The following CNTNAP2 variants were observed in gnomAD, a reference collection of about 807,000 sequenced individuals.
The protein encoded by CNTNAP2 is contactin associated protein 2, also known as contactin-associated protein-like 2.
Under a neutral mutation model 155.2 loss-of-function variants are expected in CNTNAP2, and 98 were observed. That is an observed-to-expected ratio of 0.63 (90% CI 0.54 to 0.75). The LOEUF (loss-of-function observed/expected upper bound fraction) is 0.75, where lower values mean the gene tolerates loss of function less well. CNTNAP2 is among the 30% of genes least tolerant of loss of function. The pLI, the probability that CNTNAP2 is intolerant of heterozygous loss-of-function variation, is 0.00. For synonymous variants in CNTNAP2, 651 were observed against 631.2 expected, an observed-to-expected ratio of 1.03 and a Z score of -0.47; for missense variants, 1,727 against 1,688.1, an observed-to-expected ratio of 1.02 and a Z score of -0.40.
At chr7:148,082,568 A>T (rs1020587047) in intron 15 of CNTNAP2, among the ~76,000 whole-genome samples, 7 of 152,234 alleles carry the variant, frequency 4.6e-5, no homozygotes, top group Admixed American at 3.9e-4. Context: ...TCATTGTGGT[A>T]TGAAAGTCAA....
intron 15 of CNTNAP2, among the ~76,000 whole-genome samples, chr7:148,086,351 C>T (rs1372798197): frequency 2.0e-5 from 3 of 152,104 alleles, no homozygotes; most frequent in Non-Finnish European, 4.4e-5. Flanking sequence ...CTATAGGTTA[C>T]TTATCTACTC....
chr7:146,674,554 G>A (rs1800363857), intron 1 of CNTNAP2, among the ~76,000 whole-genome samples: 1 of 152,048 alleles, frequency 6.6e-6, no homozygotes, highest in African/African-American at 2.4e-5. Context: ...TTCAGTGGCT[G>A]AGGCCTGTGA....
intron 12 of CNTNAP2, among the ~76,000 whole-genome samples, chr7:147,596,205 C>G (rs1464253981): frequency 6.6e-6 from 1 of 152,154 alleles, no homozygotes; most frequent in Non-Finnish European, 1.5e-5. Flanking sequence ...AACTGGCAGT[C>G]ATCATACACA....
rs148024329 is a variant in CNTNAP2, at chr7:147,805,865, G to A, written c.2099-97700G>A. ...AGAATCAAATCAAAATGGATTGAGG[G>A]CTTCAATGTAAGACCTGAAACTATG... is the stretch of plus-strand genomic sequence containing the variant. On this transcript the variant is annotated intron_variant, in intron 13 of 23. Coordinates refer to ENST00000361727, the MANE Select transcript of CNTNAP2 (RefSeq NM_014141.6). Among the ~76,000 whole-genome samples, 353 of 152,264 alleles carry A rather than the reference G, an allele frequency of 2.3e-3. 2 individuals are homozygous for A. Among genetic ancestry groups the A allele is most frequent in the African/African-American group, 7.2e-3 (300 of 41,552 alleles).
At chr7:147,528,920 A>T (rs1456323852) in intron 11 of CNTNAP2, among the ~76,000 whole-genome samples, 1 of 152,244 alleles carries the variant, frequency 6.6e-6, no homozygotes, top group African/African-American at 2.4e-5. Context: ...CATATACAGT[A>T]CAGTAGCCAC....
chr7:147,378,278 C>A (rs1431599086), intron 9 of CNTNAP2, among the ~76,000 whole-genome samples: 2 of 151,644 alleles, frequency 1.3e-5, no homozygotes, highest in East Asian at 1.9e-4. Flanking sequence ...AGGTTTTTTT[C>A]TTTAAAAAAA....
chr7:147,634,781 C>G (rs909784896), intron 12 of CNTNAP2, among the ~76,000 whole-genome samples: 14 of 152,108 alleles, frequency 9.2e-5, no homozygotes, highest in African/African-American at 3.4e-4. Context: ...CTTTTCTGCT[C>G]AAAATCCTCC....
intron 8 of CNTNAP2, among the ~76,000 whole-genome samples, chr7:147,149,936 G>C (rs1169689575): frequency 1.3e-5 from 2 of 152,208 alleles, no homozygotes; most frequent in Non-Finnish European, 2.9e-5. Flanking sequence ...GGTCTATGCA[G>C]AGTGTGAAAG....
chr7:148,023,542 C>A (rs538538961), intron 15 of CNTNAP2, among the ~76,000 whole-genome samples: 20 of 152,204 alleles, frequency 1.3e-4, no homozygotes, highest in African/African-American at 4.6e-4. Flanking sequence ...CTGTAGGTGA[C>A]AATGCACCCA....
intron 12 of CNTNAP2, among the ~76,000 whole-genome samples, chr7:147,626,340 TG>T (rs113070214): frequency 5.1e-4 from 78 of 151,604 alleles, no homozygotes; most frequent in Non-Finnish European, 8.8e-5. Context: ...GCCAATTGCA[TG>T]GGGGGGTGGG....
intron 3 of CNTNAP2, among the ~76,000 whole-genome samples, chr7:146,841,683 G>C (rs953365964): frequency 2.0e-5 from 3 of 152,024 alleles, no homozygotes; most frequent in Admixed American, 2.0e-4. Context: ...TCACATTTTT[G>C]TATTTGTAAA....
At chr7:146,861,064 G>T (rs992902051) in intron 3 of CNTNAP2, among the ~76,000 whole-genome samples, 3 of 151,674 alleles carry the variant, frequency 2.0e-5, no homozygotes, top group African/African-American at 7.3e-5. Context: ...TTGTTTGTTT[G>T]GTTTTTTGTT....
intron 4 of CNTNAP2, among the ~76,000 whole-genome samples, chr7:147,053,877 A>T (rs1194088156): frequency 6.6e-6 from 1 of 152,172 alleles, no homozygotes; most frequent in African/African-American, 2.4e-5. Flanking sequence ...TTTGATTACT[A>T]CAAAGAGGAG....
At chr7:146,716,610 T>C (rs2129176269) in intron 1 of CNTNAP2, among the ~76,000 whole-genome samples, 1 of 152,298 alleles carries the variant, frequency 6.6e-6, no homozygotes, top group African/African-American at 2.4e-5. Context: ...GGTTAACATT[T>C]TAGGAGTCTA....
At chr7:146,539,537 G>GA (rs5888211) in intron 1 of CNTNAP2, among the ~76,000 whole-genome samples, 2,475 of 148,900 alleles carry the variant, frequency 0.017, 49 homozygotes, top group African/African-American at 0.052. Context: ...GTAGAAACAT[G>GA]AAAAAAAAAA....
At chr7:146,610,152 T>C (rs1799110538) in intron 1 of CNTNAP2, among the ~76,000 whole-genome samples, 3 of 152,320 alleles carry the variant, frequency 2.0e-5, no homozygotes, top group African/African-American at 7.2e-5. Context: ...ATAATAATCA[T>C]CATTTTCAGG....
chr7:147,690,861 T>G (rs1243128538), intron 13 of CNTNAP2, among the ~76,000 whole-genome samples: 1 of 152,176 alleles, frequency 6.6e-6, no homozygotes, highest in Non-Finnish European at 1.5e-5. Context: ...AAAATTATAT[T>G]GTATTTGCAA....
intron 21 of CNTNAP2, among the ~76,000 whole-genome samples, chr7:148,271,261 A>G (rs1796774903): frequency 6.6e-6 from 1 of 152,240 alleles, no homozygotes; most frequent in Admixed American, 6.5e-5. Flanking sequence ...TTCTTCTTAA[A>G]GTGGGGTTTC....
At chr7:146,198,537 G>A (rs949953) in intron 1 of CNTNAP2, among the ~76,000 whole-genome samples, 46,591 of 151,972 alleles carry the variant, frequency 0.31, 8,444 homozygotes, top group African/African-American at 0.5. Flanking sequence ...TAGCTTTAAC[G>A]TATTTAAATT....
Sources: allele counts gnomAD v4.1 joint callset (sites outside exome capture counted in the v4.1 genomes callset), GRCh38; gene constraint gnomAD v4.1.1; transcripts MANE v1.5; gene names NCBI Gene and HGNC (gene_info 2026-07-23, HGNC 2026-07-21).